Variants in EBF1 observed in about 807,000 individuals in gnomAD.
The protein encoded by EBF1 is EBF transcription factor 1.
A neutral mutation model predicts 68.4 loss-of-function variants in EBF1; 10 were observed. The ratio of observed to expected loss-of-function variants is 0.15; its 90% confidence interval spans 0.09 to 0.25. The LOEUF (loss-of-function observed/expected upper bound fraction) is 0.25, where lower values mean the gene tolerates loss of function less well. Ranked by LOEUF, EBF1 falls within the 10% of genes least tolerant of loss-of-function variation. EBF1 has a pLI of 1.00. For synonymous variants in EBF1, 298 were observed against 299.8 expected (o/e 0.99, Z 0.06); for missense variants, 509 against 794.4 (o/e 0.64, Z 4.32).
intron 6 of EBF1, among the ~76,000 whole-genome samples, chr5:158,847,132 A>T (rs1791683288): frequency 6.6e-6 from 1 of 152,192 alleles, no homozygotes; most frequent in Non-Finnish European, 1.5e-5. Flanking sequence ...AAGTGTTCTC[A>T]GCCTGAAGGG....
intron 6 of EBF1, among the ~76,000 whole-genome samples, chr5:158,941,735 C>A (rs1813460460): frequency 6.6e-6 from 1 of 152,160 alleles, no homozygotes; most frequent in Non-Finnish European, 1.5e-5. Context: ...CCTGCTGAAA[C>A]CAAAGGGCAG....
At chr5:159,012,701 G>C (rs1764909566) in intron 6 of EBF1, among the ~76,000 whole-genome samples, 3 of 152,114 alleles carry the variant, frequency 2.0e-5, no homozygotes, top group Admixed American at 2.0e-4. Flanking sequence ...GTTTCGCCAT[G>C]TTGGCCAGGT....
At chr5:158,769,903 A>G (rs1773536304) in intron 10 of EBF1, among the ~76,000 whole-genome samples, 1 of 152,230 alleles carries the variant, frequency 6.6e-6, no homozygotes, top group Non-Finnish European at 1.5e-5. Flanking sequence ...GTCTATTCCA[A>G]TTAGGACACT....
At chr5:159,083,082 T>C (rs1332377951) in intron 5 of EBF1, among the ~76,000 whole-genome samples, 1 of 152,226 alleles carries the variant, frequency 6.6e-6, no homozygotes, top group East Asian at 1.9e-4. Context: ...TGCAAATCTA[T>C]GATATATAGA....
At chr5:158,981,128 A>T (rs1757810982) in intron 6 of EBF1, among the ~76,000 whole-genome samples, 1 of 152,140 alleles carries the variant, frequency 6.6e-6, no homozygotes, top group South Asian at 2.1e-4. Context: ...GGCCATATTC[A>T]GCAAGGGTAG....
chr5:158,830,754 C>T lies in EBF1; in HGVS notation c.637-7437G>A, dbSNP rs533838941. 3.3e-4 allele frequency among the ~76,000 whole-genome samples: 51 copies of T among 152,258 alleles called. 1 individual carries two copies. The South Asian group carries it at 7.9e-3, about 24-fold the overall frequency. ...AAAATATCCTTGGCTGATATGAATG[C>T]GATATTCTCAGAAATGTTCCTGATT... On this transcript the variant is annotated intron_variant, in intron 7 of 15. Transcript: ENST00000313708.
chr5:158,749,889 A>G (rs1454474026), intron 10 of EBF1, among the ~76,000 whole-genome samples: 2 of 152,062 alleles, frequency 1.3e-5, no homozygotes, highest in African/African-American at 4.8e-5. Flanking sequence ...GCTGAAGTAG[A>G]GGTACAGGTC....
At chr5:158,988,230 GCCCCC>G (rs985417968) in intron 6 of EBF1, among the ~76,000 whole-genome samples, 5 of 152,180 alleles carry the variant, frequency 3.3e-5, no homozygotes, top group African/African-American at 1.2e-4. Context: ...CCTGCCCAGT[GCCCCC>G]CCTTCTCTTC....
intron 6 of EBF1, among the ~76,000 whole-genome samples, chr5:158,843,909 C>T (rs17056299): frequency 0.018 from 2,766 of 152,278 alleles, 92 homozygotes; most frequent in African/African-American, 0.063. Flanking sequence ...TGCACGTCTG[C>T]TGGCCTACGG....
rs139510047 is a variant in EBF1, at chr5:159,010,485, T to TCC, written c.554+62909_554+62910dup. Among the ~76,000 whole-genome samples, 1,491 of 152,076 alleles carry TCC rather than the reference T, an allele frequency of 9.8e-3. 13 individuals are homozygous for TCC. Among genetic ancestry groups the TCC allele is most frequent in the Non-Finnish European group, 0.015 (1,036 of 67,988 alleles). On this transcript the variant is annotated intron_variant, in intron 6 of 15. Coordinates refer to ENST00000313708, the MANE Select transcript of EBF1 (RefSeq NM_024007.5). The stretch of plus-strand genomic sequence containing the variant: ...CTAGGTTTAAAACCCCGGAAAATAC[T>TCC]CCCCCCCAGAAGCATGACTAGTTTG...
At chr5:158,802,888 T>C (rs1780868379) in intron 8 of EBF1, among the ~76,000 whole-genome samples, 1 of 152,156 alleles carries the variant, frequency 6.6e-6, no homozygotes, top group South Asian at 2.1e-4. Flanking sequence ...AACTAGAGTT[T>C]ATTTACGAGA....
At chr5:158,963,712 G>C (rs974473146) in intron 6 of EBF1, among the ~76,000 whole-genome samples, 2 of 152,092 alleles carry the variant, frequency 1.3e-5, no homozygotes, top group African/African-American at 4.8e-5. Context: ...ACATAAAAAG[G>C]CACCCATCCA....
chr5:158,858,145 A>T (rs781187130), intron 6 of EBF1, among the ~76,000 whole-genome samples: 19 of 152,124 alleles, frequency 1.2e-4, no homozygotes, highest in Admixed American at 8.5e-4. Context: ...TTTGCTGGAG[A>T]TCCTCTGTTC....
At chr5:158,990,798 A>G (rs894802134) in intron 6 of EBF1, among the ~76,000 whole-genome samples, 3 of 152,320 alleles carry the variant, frequency 2.0e-5, no homozygotes, top group Non-Finnish European at 4.4e-5. Flanking sequence ...GAATTCTACT[A>G]TTCCTATAAT....
intron 11 of EBF1, among the ~76,000 whole-genome samples, chr5:158,730,404 A>G (rs748994044): frequency 6.6e-6 from 1 of 152,250 alleles, no homozygotes; most frequent in South Asian, 2.1e-4. Flanking sequence ...ACAGGTATGC[A>G]ATAGTCAATA....
intron 6 of EBF1, among the ~76,000 whole-genome samples, chr5:158,885,660 C>T (rs1053278313): frequency 7.9e-5 from 12 of 152,154 alleles, no homozygotes; most frequent in Non-Finnish European, 1.6e-4. Context: ...AAATCCTCAA[C>T]AATGACTCTG....
chr5:158,964,951 A>G (rs1753817163), intron 6 of EBF1, among the ~76,000 whole-genome samples: 5 of 152,262 alleles, frequency 3.3e-5, no homozygotes, highest in Admixed American at 2.6e-4. Flanking sequence ...ATCTGACTTC[A>G]GTAAACAGAG....
Position 158,716,427 on chromosome 5 carries a change from G to A in EBF1, c.1126-2245C>T, listed in dbSNP as rs184434128. Reference sequence around the variant, plus strand: ...TTTCCCATTGAGTACATTGCCATAGGTAGGTCATCAGTACAGCATCACTTC... The same window carrying A: ...TTTCCCATTGAGTACATTGCCATAGATAGGTCATCAGTACAGCATCACTTC... On this transcript the variant is annotated intron_variant, in intron 11 of 15. Coordinates refer to ENST00000313708, the MANE Select transcript of EBF1 (RefSeq NM_024007.5). Among the ~76,000 whole-genome samples, 185 of 152,240 alleles carry A rather than the reference G, an allele frequency of 1.2e-3. 1 individual carries two copies. Among genetic ancestry groups the A allele is most frequent in the Middle Eastern group, 6.8e-3 (2 of 294 alleles).
chr5:159,002,866 A>C (rs1342161202), intron 6 of EBF1, among the ~76,000 whole-genome samples: 1 of 152,226 alleles, frequency 6.6e-6, no homozygotes, highest in Non-Finnish European at 1.5e-5. Flanking sequence ...AAGGAAAGAA[A>C]GCAATAGAGT....
Sources: allele counts gnomAD v4.1 joint callset (sites outside exome capture counted in the v4.1 genomes callset), GRCh38; gene constraint gnomAD v4.1.1; transcripts MANE v1.5; gene names NCBI Gene and HGNC (gene_info 2026-07-23, HGNC 2026-07-21).